Variants in PAX5 observed in about 807,000 individuals in gnomAD.
PAX5 encodes the protein paired box protein Pax-5.
In PAX5, 9 loss-of-function variants were observed where a neutral mutation model predicts 43.7. That is an observed-to-expected ratio of 0.21 (90% confidence interval 0.12 to 0.36). The LOEUF (loss-of-function observed/expected upper bound fraction) is 0.36, where lower values mean the gene tolerates loss of function less well. Ranked by LOEUF, PAX5 falls within the 10% of genes least tolerant of loss-of-function variation. PAX5 has a pLI of 1.00. For missense variants in PAX5, 383 were observed against 532.7 expected, an observed-to-expected ratio of 0.72 and a Z score of 2.77; for synonymous variants, 228 against 214.3, an observed-to-expected ratio of 1.06 and a Z score of -0.56.
chr9:36,914,035 G>A (rs1829532627), intron 7 of PAX5, among the ~76,000 whole-genome samples: 3 of 152,178 alleles, frequency 2.0e-5, no homozygotes, highest in African/African-American at 7.2e-5. Context: ...TCAATGGGGT[G>A]GGTAACTGCA....
chr9:36,981,487 G>A (rs989529640), intron 5 of PAX5, among the ~76,000 whole-genome samples: 8 of 148,070 alleles, frequency 5.4e-5, no homozygotes, highest in Non-Finnish European at 8.9e-5. Context: ...CAGCTGCTCC[G>A]GTGTGACCTC....
intron 8 of PAX5, among the ~76,000 whole-genome samples, chr9:36,870,910 T>A (rs1194628049): frequency 6.6e-6 from 1 of 152,258 alleles, no homozygotes; most frequent in East Asian, 1.9e-4. Context: ...GTCTGAGCCC[T>A]GGACACTCCT....
chr9:37,033,557 A>C (rs1841207117), intron 1 of PAX5, among the ~76,000 whole-genome samples: 1 of 152,004 alleles, frequency 6.6e-6, no homozygotes, highest in Admixed American at 6.6e-5. Flanking sequence ...ATACACAAGT[A>C]CTAACTTATA....
intron 5 of PAX5, among the ~76,000 whole-genome samples, chr9:36,982,178 C>T (rs532882954): frequency 6.6e-6 from 1 of 152,206 alleles, no homozygotes; most frequent in South Asian, 2.1e-4. Flanking sequence ...GCAGGAGAAT[C>T]GCTTGAACCC....
In PAX5 at chr9:36,913,418, C is replaced by T. The variant is rs564921341; in HGVS notation, c.910+9937G>A. Among the ~76,000 whole-genome samples, 7 of 152,374 alleles carry T rather than the reference C, an allele frequency of 4.6e-5. No individual in the cohort carries two copies. The South Asian group carries it at 6.2e-4, about 14-fold the overall frequency. On this transcript the variant is annotated intron_variant, in intron 7 of 9. Coordinates refer to ENST00000358127, the MANE Select transcript of PAX5 (RefSeq NM_016734.3). ...TCTCAGGCAAAAGGTCAGGTGGACC[C>T]AGCTAAGTCCTTCACCAGTAGAGAG...
chr9:36,975,404 G>A (rs1169055228), intron 5 of PAX5, among the ~76,000 whole-genome samples: 2 of 122,804 alleles, frequency 1.6e-5, no homozygotes, highest in East Asian at 5.1e-4. Context: ...TTTGTTTTTT[G>A]AGACGGAGTC....
chr9:37,027,819 G>T (rs985765308), intron 1 of PAX5, among the ~76,000 whole-genome samples: 2 of 152,266 alleles, frequency 1.3e-5, no homozygotes, highest in African/African-American at 4.8e-5. Flanking sequence ...CCGAAACACC[G>T]CCCCATTGGC....
At chr9:36,916,634 GAT>G (rs143964852) in intron 7 of PAX5, among the ~76,000 whole-genome samples, 12 of 150,166 alleles carry the variant, frequency 8.0e-5, no homozygotes, top group Admixed American at 1.3e-4. Flanking sequence ...TCCCAGGTGA[GAT>G]ATATATATAT....
chr9:36,838,156 C>G lies in PAX5; in HGVS notation c.*2404G>C. On this transcript the variant is annotated 3_prime_UTR_variant, in exon 10 of 10. Coordinates refer to ENST00000358127, the MANE Select transcript of PAX5 (RefSeq NM_016734.3). ...TCCTGGAGGTGGACTCTGGCCCCAACTACCTCCCTTCTTTGCCCCGCAGGT... is the reference window on the plus strand; with the variant it reads ...TCCTGGAGGTGGACTCTGGCCCCAAGTACCTCCCTTCTTTGCCCCGCAGGT... The G allele has an allele frequency of 4.3e-6, 1 of 233,396 alleles. No individual in the cohort carries two copies. The highest frequency in any genetic ancestry group is 8.5e-6 in the Non-Finnish European group (1 of 118,162). 14.5% of individuals were successfully genotyped at this position (233,396 alleles called of 1,614,324 possible).
intron 6 of PAX5, among the ~76,000 whole-genome samples, chr9:36,928,138 G>A (rs1003241698): frequency 6.6e-6 from 1 of 152,212 alleles, no homozygotes; most frequent in African/African-American, 2.4e-5. Flanking sequence ...TAGTTTTGGT[G>A]TTTAATTGTT....
At chr9:36,959,958 G>A (rs930924684) in intron 6 of PAX5, among the ~76,000 whole-genome samples, 1 of 152,252 alleles carries the variant, frequency 6.6e-6, no homozygotes, top group African/African-American at 2.4e-5. Flanking sequence ...TTGGTAATGA[G>A]GTGGGGTAAG....
intron 8 of PAX5, among the ~76,000 whole-genome samples, chr9:36,869,988 A>G (rs1330808467): frequency 7.4e-6 from 1 of 134,488 alleles, no homozygotes; most frequent in Non-Finnish European, 1.6e-5. Context: ...GGATAAATGG[A>G]TGGATGGATG....
At chr9:36,992,566 C>T (rs759846802) in intron 5 of PAX5, among the ~76,000 whole-genome samples, 3 of 152,180 alleles carry the variant, frequency 2.0e-5, no homozygotes, top group African/African-American at 7.2e-5. Context: ...TATGTCTTTC[C>T]GTGGGAGCTC....
chr9:37,031,000 T>A (rs532347660), intron 1 of PAX5, among the ~76,000 whole-genome samples: 90 of 152,278 alleles, frequency 5.9e-4, no homozygotes, highest in African/African-American at 2.0e-3. Context: ...ATAAAAAAAA[T>A]TAAGTATCAG....
chr9:36,979,818 A>C (rs533057225), intron 5 of PAX5, among the ~76,000 whole-genome samples: 1 of 152,332 alleles, frequency 6.6e-6, no homozygotes, highest in South Asian at 2.1e-4. Context: ...AAACATCCCC[A>C]AAATTCAAAT....
At chr9:36,973,083 C>CGGAACGGAAAGGAAAGGAAA (rs1835070933) in intron 5 of PAX5, among the ~76,000 whole-genome samples, 8 of 74,514 alleles carry the variant, frequency 1.1e-4, no homozygotes, top group African/African-American at 4.1e-4. Flanking sequence ...CGGAACGGAA[C>CGGAACGGAAAGGAAAGGAAA]GGAAAGGAAA....
chr9:37,000,215 C>T (rs1297521533), intron 5 of PAX5, among the ~76,000 whole-genome samples: 1 of 152,146 alleles, frequency 6.6e-6, no homozygotes, highest in Non-Finnish European at 1.5e-5. Flanking sequence ...CAGACACTTC[C>T]CTGGTGTGAG....
chr9:36,965,453 G>T (rs887825156), intron 6 of PAX5, among the ~76,000 whole-genome samples: 1 of 152,226 alleles, frequency 6.6e-6, no homozygotes, highest in Non-Finnish European at 1.5e-5. Flanking sequence ...TGGCTAGAAG[G>T]TCTGTAAGAG....
At chr9:37,031,981 C>T (rs1166426608) in intron 1 of PAX5, among the ~76,000 whole-genome samples, 1 of 152,224 alleles carries the variant, frequency 6.6e-6, no homozygotes. Context: ...TGGACAGCTT[C>T]TCAGCTTCCC....
Sources: gnomAD v4.1 joint callset for allele counts (sites outside exome capture counted in the v4.1 genomes callset) on GRCh38, gnomAD v4.1.1 for gene constraint, MANE v1.5 for transcripts, NCBI Gene and HGNC (gene_info 2026-07-23, HGNC 2026-07-21) for gene names.